Variants in MTHFD1L observed in about 807,000 individuals in gnomAD.
MTHFD1L encodes the protein methylenetetrahydrofolate dehydrogenase (NADP+ dependent) 1 like.
Under a neutral mutation model 119.5 loss-of-function variants are expected in MTHFD1L, and 81 were observed. The ratio of observed to expected loss-of-function variants is 0.68; its 90% CI spans 0.57 to 0.82. MTHFD1L has a LOEUF of 0.82. Among genes scored for constraint, MTHFD1L ranks in the 40% least tolerant of loss-of-function variants. The pLI, the probability that MTHFD1L is intolerant of heterozygous loss-of-function variation, is 0.00. For synonymous variants in MTHFD1L, 430 were observed against 475.2 expected (o/e 0.90, Z 1.24); for missense variants, 1,125 against 1,253.4 (o/e 0.90, Z 1.55).
At chr6:151,001,626 T>C (rs1780634620) in intron 20 of MTHFD1L, among the ~76,000 whole-genome samples, 1 of 151,994 alleles carries the variant, frequency 6.6e-6, no homozygotes, top group Admixed American at 6.6e-5. Context: ...GGAAGGCAAG[T>C]CTTGGGATCT....
intron 26 of MTHFD1L, among the ~76,000 whole-genome samples, chr6:151,047,262 A>C (rs1008413520): frequency 2.0e-5 from 3 of 152,216 alleles, no homozygotes; most frequent in African/African-American, 7.2e-5. Context: ...AATGTTAAGT[A>C]AGGACTTACC....
At chr6:150,888,034 A>G in intron 7 of MTHFD1L, 53 bp downstream of exon 7, 1 of 1,511,738 alleles carries the variant, frequency 6.6e-7, no homozygotes, top group South Asian at 1.4e-5. Flanking sequence ...AGAACAGAAG[A>G]AAGTCTAGAA....
intron 26 of MTHFD1L, among the ~76,000 whole-genome samples, chr6:151,044,304 T>TC (rs1346759750): frequency 6.6e-6 from 1 of 150,766 alleles, no homozygotes; most frequent in East Asian, 1.9e-4. Flanking sequence ...TCTTTTTTTT[T>TC]TTTTTTCTTT....
At position 150,887,998 on chromosome 6, in the gene MTHFD1L, A is replaced by C; in HGVS notation, c.780+17A>C. On this transcript the variant is annotated intron_variant, in intron 7 of 27. Coordinates refer to ENST00000367321, the MANE Select transcript of MTHFD1L (RefSeq NM_015440.5). ...CAAAGCAAGGTAAATTTCATGTTAG[A>C]AACATACATCTTGAAGGCTTCTGTT... 1 of 1,590,666 alleles carries C rather than the reference A, an allele frequency of 6.3e-7. No homozygotes were observed. Among genetic ancestry groups the C allele is most frequent in the Non-Finnish European group, 8.5e-7 (1 of 1,171,608 alleles).
chr6:150,866,046 T>G lies in MTHFD1L; in HGVS notation c.224T>G (p.Val75Gly), dbSNP rs1241798520. 22 of 1,464,852 alleles carry G rather than the reference T, an allele frequency of 1.5e-5. No individual in the cohort carries two copies. The highest frequency in any genetic ancestry group is 3.0e-5 in the African/African-American group (2 of 67,782). 90.7% of individuals were successfully genotyped at this position (1,464,852 alleles called of 1,614,324 possible). The change falls in exon 1 of 28, where the codon GTC (valine) becomes GGC (glycine). Residue 75 changes from valine (V) to glycine (G), a missense_variant. Transcript: ENST00000367321. ...GRTPAARDSI[V>G]REVIQNSKEV... ...ACGCCCGCGGCGCGGGACTCCATCG[T>G]CAGGTGAGTGTCGGGTCTGGCCCTG...
chr6:151,069,251 TTCTCTCTCTCTCTCTC>T (rs371324778), intron 26 of MTHFD1L, among the ~76,000 whole-genome samples: 2 of 136,592 alleles, frequency 1.5e-5, no homozygotes, highest in South Asian at 2.5e-4. Context: ...TTCTCTCTCT[TTCTCTCTCTCTCTCTC>T]TCTCTCTCTC....
chr6:150,954,859 C>T (rs913390583), intron 16 of MTHFD1L, among the ~76,000 whole-genome samples: 2 of 152,016 alleles, frequency 1.3e-5, no homozygotes, highest in African/African-American at 4.8e-5. Flanking sequence ...GACCCTCCCG[C>T]CTCAGCCTCC....
chr6:151,065,341 T>C (rs1791116565), intron 26 of MTHFD1L, among the ~76,000 whole-genome samples: 2 of 152,144 alleles, frequency 1.3e-5, no homozygotes, highest in African/African-American at 4.8e-5. Flanking sequence ...CTCTCACTGC[T>C]CCCCTGGCCT....
At chr6:150,883,852 G>C (rs1781769028) in intron 5 of MTHFD1L, among the ~76,000 whole-genome samples, 1 of 152,182 alleles carries the variant, frequency 6.6e-6, no homozygotes, top group African/African-American at 2.4e-5. Context: ...ATGGTTATAG[G>C]TTGTAAGCAG....
intron 4 of MTHFD1L, among the ~76,000 whole-genome samples, chr6:150,878,251 C>T (rs566689900): frequency 3.1e-4 from 46 of 149,588 alleles, no homozygotes; most frequent in Non-Finnish European, 5.7e-4. Flanking sequence ...ATTTCTCTCT[C>T]TCTCTCTTTT....
At chr6:150,954,680 A>G (rs971114382) in intron 16 of MTHFD1L, among the ~76,000 whole-genome samples, 1 of 151,984 alleles carries the variant, frequency 6.6e-6, no homozygotes, top group African/African-American at 2.4e-5. Flanking sequence ...CAAAAAAAAA[A>G]AGAGAGACAA....
At chr6:151,054,059 G>A (rs1236201940) in intron 26 of MTHFD1L, among the ~76,000 whole-genome samples, 13 of 152,108 alleles carry the variant, frequency 8.5e-5, no homozygotes, top group African/African-American at 3.1e-4. Flanking sequence ...CCTATTTTGA[G>A]ATGGAAACAT....
At chr6:150,935,439 C>T (rs1365753044) in intron 11 of MTHFD1L, 10 of 1,613,250 alleles carry the variant, frequency 6.2e-6, no homozygotes, top group Non-Finnish European at 8.5e-6. Flanking sequence ...GAACTGAGCT[C>T]ATCAGCTCCT....
At chr6:150,956,614 AG>A (rs1452345644) in intron 17 of MTHFD1L, among the ~76,000 whole-genome samples, 1 of 152,228 alleles carries the variant, frequency 6.6e-6, no homozygotes, top group African/African-American at 2.4e-5. Flanking sequence ...AATGGCACTT[AG>A]GGAATACAAA....
chr6:150,957,020 G>A (rs1435790091), intron 17 of MTHFD1L, among the ~76,000 whole-genome samples: 3 of 152,182 alleles, frequency 2.0e-5, no homozygotes, highest in Non-Finnish European at 4.4e-5. Context: ...GAATTAGATT[G>A]ATGATTAAAA....
intron 21 of MTHFD1L, among the ~76,000 whole-genome samples, chr6:151,011,699 G>A (rs1166102987): frequency 6.6e-6 from 1 of 152,152 alleles, no homozygotes; most frequent in African/African-American, 2.4e-5. Flanking sequence ...TTAATGTCAT[G>A]GTTCTCAGCC....
At chr6:150,955,540 C>A (rs1395697336) in intron 16 of MTHFD1L, among the ~76,000 whole-genome samples, 9 of 148,726 alleles carry the variant, frequency 6.1e-5, no homozygotes, top group Admixed American at 1.4e-4. Flanking sequence ...CACTCTGTCG[C>A]CCAGGCTGGA....
At chr6:150,925,187 A>C (rs767377160) in intron 10 of MTHFD1L, among the ~76,000 whole-genome samples, 4 of 152,164 alleles carry the variant, frequency 2.6e-5, no homozygotes, top group Non-Finnish European at 5.9e-5. Context: ...CAACAAAAAT[A>C]AGTGTTCTGG....
chr6:151,090,014 C>A (rs1257146810), intron 26 of MTHFD1L, among the ~76,000 whole-genome samples: 2 of 152,220 alleles, frequency 1.3e-5, no homozygotes, highest in African/African-American at 4.8e-5. Flanking sequence ...CAGCTGTATT[C>A]CAGGCAGCTG....
Sources: gnomAD v4.1 joint callset for allele counts (sites outside exome capture counted in the v4.1 genomes callset) on GRCh38, gnomAD v4.1.1 for gene constraint, MANE v1.5 for transcripts, NCBI Gene and HGNC (gene_info 2026-07-23, HGNC 2026-07-21) for gene names.